The following TEK variants were observed in gnomAD, a reference collection of about 807,000 sequenced individuals.
TEK encodes TEK receptor tyrosine kinase.
A neutral mutation model predicts 131.8 loss-of-function variants in TEK; 43 were observed. That is an observed-to-expected ratio of 0.33 (90% confidence interval 0.26 to 0.42). TEK has a LOEUF of 0.42. TEK is among the 10% of genes least tolerant of loss of function. TEK has a pLI of 1.00. For missense variants in TEK, 1,162 were observed against 1,384.4 expected (o/e 0.84, Z 2.55); for synonymous variants, 580 against 491.6 (o/e 1.18, Z -2.38).
At chr9:27,208,880 T>C (rs143584903) in intron 15 of TEK, among the ~76,000 whole-genome samples, 4 of 151,982 alleles carry the variant, frequency 2.6e-5, no homozygotes, top group African/African-American at 9.6e-5. Context: ...GGCATCTAGT[T>C]AGTAGAGGCC....
chr9:27,208,019 A>C (rs1825460821), intron 15 of TEK, among the ~76,000 whole-genome samples: 1 of 152,034 alleles, frequency 6.6e-6, no homozygotes, highest in Non-Finnish European at 1.5e-5. Context: ...GGCAGTTTTT[A>C]TTGGGATCTA....
Position 27,186,992 on chromosome 9 carries a change from G to A in TEK, c.1327+1363G>A, listed in dbSNP as rs565602685. 1.8e-4 allele frequency among the ~76,000 whole-genome samples: 28 copies of A among 152,212 alleles called. No homozygotes were observed. In the South Asian group the frequency reaches 2.9e-3, roughly 16 times the overall value. ...CTGTTTTATTTGGTAGAACATTCAC[G>A]TGATTAAAATAATTTCTTGCATCTT... On this transcript the variant is annotated intron_variant, in intron 9 of 22. Coordinates refer to ENST00000380036, the MANE Select transcript of TEK (RefSeq NM_000459.5).
intron 1 of TEK, among the ~76,000 whole-genome samples, chr9:27,118,386 G>C (rs1373406602): frequency 6.6e-6 from 1 of 152,026 alleles, no homozygotes; most frequent in East Asian, 1.9e-4. Context: ...TGTAATCCCA[G>C]CACTTTGGGA....
At chr9:27,180,653 C>T (rs1165857893) in intron 7 of TEK, among the ~76,000 whole-genome samples, 3 of 152,152 alleles carry the variant, frequency 2.0e-5, no homozygotes, top group Non-Finnish European at 2.9e-5. Context: ...TTTTCTGCTC[C>T]CTTCTCTAGG....
intron 8 of TEK, among the ~76,000 whole-genome samples, chr9:27,184,348 G>A (rs887684800): frequency 2.0e-5 from 3 of 152,282 alleles, no homozygotes; most frequent in African/African-American, 7.2e-5. Context: ...TTTCTCTTGT[G>A]TTGAAAGTGA....
chr9:27,213,036 A>C (rs914375494), intron 17 of TEK, 139 bp downstream of exon 17: 3 of 897,560 alleles, frequency 3.3e-6, no homozygotes, highest in Admixed American at 5.0e-5. Context: ...CTCTCTGTGA[A>C]TAGTCCATCT....
intron 22 of TEK, among the ~76,000 whole-genome samples, chr9:27,228,812 G>A (rs1826440636): frequency 6.6e-6 from 1 of 150,620 alleles, no homozygotes; most frequent in Non-Finnish European, 1.5e-5. Context: ...AGAGATGCAG[G>A]TGAGATCACA....
At chr9:27,191,647 G>C (rs1824827617) in intron 10 of TEK, among the ~76,000 whole-genome samples, 1 of 151,756 alleles carries the variant, frequency 6.6e-6, no homozygotes, top group Non-Finnish European at 1.5e-5. Context: ...TAGCTGACCT[G>C]GGTAGACCGA....
At chr9:27,111,940 C>T (rs2131022975) in intron 1 of TEK, among the ~76,000 whole-genome samples, 1 of 150,474 alleles carries the variant, frequency 6.6e-6, no homozygotes, top group East Asian at 2.0e-4. Context: ...GCTCTGTCAC[C>T]CAGACTAGAA....
intron 1 of TEK, among the ~76,000 whole-genome samples, chr9:27,155,247 G>A (rs1357520114): frequency 1.3e-5 from 2 of 152,170 alleles, no homozygotes; most frequent in African/African-American, 2.4e-5. Flanking sequence ...TTTGGAGGCT[G>A]TAATTCCACT....
chr9:27,141,394 G>A (rs1368294544), intron 1 of TEK, among the ~76,000 whole-genome samples: 1 of 152,044 alleles, frequency 6.6e-6, no homozygotes, highest in Non-Finnish European at 1.5e-5. Flanking sequence ...AATAGTGAAA[G>A]TATATTTTGA....
At position 27,146,989 on chromosome 9, in the gene TEK, A is replaced by G. The variant is rs527908559; in HGVS notation, c.53-10842A>G. On this transcript the variant is annotated intron_variant, in intron 1 of 22. Transcript: ENST00000380036. The stretch of plus-strand genomic sequence containing the variant: ...TGTGATCTGCCCGCCTCGGCCTCCC[A>G]AAGTGCTGGGATTACAGGCGTGAGA... 5.9e-5 allele frequency among the ~76,000 whole-genome samples: 9 copies of G among 152,206 alleles called. No individual in the cohort carries two copies. The South Asian group carries it at 1.9e-3, about 32-fold the overall frequency.
intron 1 of TEK, among the ~76,000 whole-genome samples, chr9:27,123,219 C>G (rs1376933353): frequency 6.6e-6 from 1 of 151,922 alleles, no homozygotes; most frequent in Non-Finnish European, 1.5e-5. Context: ...AGCATAGATT[C>G]CTTTCTGGGA....
intron 14 of TEK, among the ~76,000 whole-genome samples, chr9:27,205,722 T>C (rs1285923913): frequency 1.3e-5 from 2 of 152,212 alleles, no homozygotes; most frequent in Non-Finnish European, 1.5e-5. Flanking sequence ...TCTTTTGGTA[T>C]ACTAAAGCCT....
chr9:27,161,268 G>A (rs911787547), intron 2 of TEK, among the ~76,000 whole-genome samples: 1 of 152,206 alleles, frequency 6.6e-6, no homozygotes, highest in African/African-American at 2.4e-5. Flanking sequence ...ATGCTCACTT[G>A]AGTTTTAATT....
At chr9:27,159,347 T>C (rs548023838) in intron 2 of TEK, among the ~76,000 whole-genome samples, 7 of 152,310 alleles carry the variant, frequency 4.6e-5, no homozygotes, top group African/African-American at 1.7e-4. Context: ...CACTATCACT[T>C]CTGCTTCATT....
intron 20 of TEK, among the ~76,000 whole-genome samples, chr9:27,219,070 G>C (rs1825940658): frequency 7.7e-6 from 1 of 129,830 alleles, no homozygotes; most frequent in Non-Finnish European, 1.7e-5. Flanking sequence ...GCTTGTACAA[G>C]TTGCCAGGTT....
rs759247582 is a variant in TEK, at chr9:27,192,529, G to C, written c.1530G>C (p.Arg510=). Residue 510 remains arginine, a synonymous_variant, in exon 11 of 23, where the codon CGG becomes CGC. Transcript: ENST00000380036. ...TTACACTCAACTATTTGGAACCTCG[G>C]ACAGAATATGAACTCTGTGTGCAAC... ...EIVTLNYLEP[R]TEYELCVQLV... 2 of 1,613,850 alleles carry C rather than the reference G, an allele frequency of 1.2e-6. No homozygotes were observed. The highest frequency in any genetic ancestry group is 2.7e-5 in the African/African-American group (2 of 74,882).
intron 6 of TEK, among the ~76,000 whole-genome samples, chr9:27,178,011 T>G (rs1394391493): frequency 6.6e-6 from 1 of 152,182 alleles, no homozygotes; most frequent in Non-Finnish European, 1.5e-5. Context: ...TCTGTGCTTT[T>G]GAGGTCATAT....
Sources: allele counts gnomAD v4.1 joint callset (sites outside exome capture counted in the v4.1 genomes callset), GRCh38; gene constraint gnomAD v4.1.1; transcripts MANE v1.5; gene names NCBI Gene and HGNC (gene_info 2026-07-23, HGNC 2026-07-21).